Variants in SYT14 observed in about 807,000 individuals in gnomAD.
SYT14 encodes synaptotagmin-14.
In SYT14, 32 loss-of-function variants were observed where a neutral mutation model predicts 74.2. The ratio of observed to expected loss-of-function variants is 0.43; its 90% CI spans 0.33 to 0.58. The LOEUF is 0.58. Among genes scored for constraint, SYT14 ranks in the 20% least tolerant of loss-of-function variants. The pLI, the probability that SYT14 is intolerant of heterozygous loss-of-function variation, is 0.05. For synonymous variants in SYT14, 298 were observed against 337.7 expected, an observed-to-expected ratio of 0.88 and a Z score of 1.29; for missense variants, 791 against 981.8, an observed-to-expected ratio of 0.81 and a Z score of 2.60.
Position 210,144,457 on chromosome 1 carries a change from C to A in SYT14, c.2035-11264C>A, listed in dbSNP as rs1335427257. ...ACTAAAGTCACGGTCCTGTAACAGA[C>A]CCCCGTAAATCTGACTGCAAAGTTT... On this transcript the variant is annotated intron_variant, in intron 7 of 9. Coordinates refer to ENST00000637265, the Ensembl canonical transcript of SYT14. 2.6e-5 allele frequency among the ~76,000 whole-genome samples: 4 copies of A among 152,186 alleles called. 1 individual carries two copies. The highest frequency in any genetic ancestry group is 3.9e-4 in the East Asian group (2 of 5,194).
rs2079556751 is a variant in SYT14 at position 209,985,564 on chromosome 1, G to A, written c.-485-28069G>A. The stretch of plus-strand genomic sequence containing the variant: ...AGCTGCTGGTGGATCTGCCACTCTG[G>A]AGTCTGGAGAACAGCTGCCCTTTTT... On this transcript the variant is annotated intron_variant, in intron 2 of 9. Coordinates refer to ENST00000637265, the Ensembl canonical transcript of SYT14. Among the ~76,000 whole-genome samples, 2 of 152,224 alleles carry A rather than the reference G, an allele frequency of 1.3e-5. 1 individual carries two copies. The highest frequency in any genetic ancestry group is 4.1e-4 in the South Asian group (2 of 4,834).
At chr1:210,130,119 A>G (rs913159011) in intron 7 of SYT14, among the ~76,000 whole-genome samples, 2 of 152,192 alleles carry the variant, frequency 1.3e-5, no homozygotes, top group Non-Finnish European at 2.9e-5. Context: ...CTATTATAAA[A>G]CTGTTTTTTC....
intron 2 of SYT14, among the ~76,000 whole-genome samples, chr1:209,967,505 C>T (rs969975374): frequency 6.6e-6 from 1 of 152,026 alleles, no homozygotes; most frequent in African/African-American, 2.4e-5. Flanking sequence ...AATATATAGG[C>T]CTCTTCAGGT....
chr1:210,100,456 C>G (rs1381712377), exon 7 of SYT14: 3 of 1,612,420 alleles, frequency 1.9e-6, no homozygotes, highest in South Asian at 1.1e-5. Context: ...TTCTTACAAT[C>G]ATTCTGTGAG....
chr1:210,041,453 C>G (rs1039963701), intron 5 of SYT14, among the ~76,000 whole-genome samples: 8 of 151,956 alleles, frequency 5.3e-5, no homozygotes, highest in Non-Finnish European at 1.0e-4. Context: ...AGGTGAAGCC[C>G]TATAATTTAC....
chr1:209,967,568 A>G (rs2079175206), intron 2 of SYT14, among the ~76,000 whole-genome samples: 1 of 152,000 alleles, frequency 6.6e-6, no homozygotes, highest in African/African-American at 2.4e-5. Context: ...GAATTTGTTC[A>G]TTTCATCTAA....
At chr1:210,160,259 A>G (rs1363000873) in intron 9 of SYT14, among the ~76,000 whole-genome samples, 3 of 151,886 alleles carry the variant, frequency 2.0e-5, no homozygotes, top group African/African-American at 4.8e-5. Context: ...TCTCTTCACC[A>G]TTTGCCTTCA....
intron 7 of SYT14, among the ~76,000 whole-genome samples, chr1:210,150,403 T>TA (rs2083134490): frequency 6.6e-6 from 1 of 152,190 alleles, no homozygotes; most frequent in Admixed American, 6.5e-5. Context: ...ACGCTAGACT[T>TA]ACAGTGTGGA....
At chr1:210,027,958 A>G (rs1413111553) in intron 5 of SYT14, among the ~76,000 whole-genome samples, 2 of 152,206 alleles carry the variant, frequency 1.3e-5, no homozygotes, top group Non-Finnish European at 2.9e-5. Context: ...GTTCAATGTC[A>G]TTAAGTGTAT....
intron 2 of SYT14, among the ~76,000 whole-genome samples, chr1:209,982,900 T>C (rs1190671023): frequency 6.6e-6 from 1 of 152,228 alleles, no homozygotes; most frequent in African/African-American, 2.4e-5. Flanking sequence ...CTAATAGGTA[T>C]GTGGTGGTGT....
intron 7 of SYT14, among the ~76,000 whole-genome samples, chr1:210,153,231 T>C (rs2102705575): frequency 1.3e-5 from 2 of 152,342 alleles, no homozygotes; most frequent in Middle Eastern, 6.8e-3. Context: ...CCCAGTGCTT[T>C]GTCCTCACCA....
At chr1:210,079,443 G>A (rs1461123739) in intron 5 of SYT14, among the ~76,000 whole-genome samples, 1 of 152,116 alleles carries the variant, frequency 6.6e-6, no homozygotes. Flanking sequence ...TTTTTTGTCA[G>A]GTAGGGTTGT....
At chr1:210,116,905 T>A (rs1410012358) in intron 7 of SYT14, among the ~76,000 whole-genome samples, 2 of 152,338 alleles carry the variant, frequency 1.3e-5, no homozygotes, top group South Asian at 4.1e-4. Context: ...TAATATAATA[T>A]TATTTCTTGA....
At chr1:209,960,963 G>C (rs1251598909) in intron 2 of SYT14, among the ~76,000 whole-genome samples, 1 of 152,162 alleles carries the variant, frequency 6.6e-6, no homozygotes, top group Non-Finnish European at 1.5e-5. Context: ...ACTTGGTGCT[G>C]CTTTTCCAAA....
rs76570130 is a variant in SYT14 at position 210,016,769 on chromosome 1, C to T, written c.766C>T (p.His256Tyr). 1,952 of 1,231,748 alleles carry T rather than the reference C, an allele frequency of 1.6e-3. 67 individuals carry two copies. In the East Asian group the frequency reaches 0.054, roughly 34 times the overall value. 76.3% of individuals were successfully genotyped at this position (1,231,748 alleles called of 1,614,324 possible). A position where few individuals can be genotyped will look rare whatever the true frequency, so the allele number is the denominator to read the frequency against. ...ATGTAAACATCTTCCCGATTTAGGG[C>T]ATTCAGATCATTTAAAGAAAGCTGA... The change falls in exon 4 of 10, where the codon CAT (histidine) becomes TAT (tyrosine). Residue 256 changes from histidine to tyrosine, a missense_variant. By Grantham distance (83) the His-to-Tyr change is moderately conservative (BLOSUM62 2). Coordinates refer to ENST00000637265, the Ensembl canonical transcript of SYT14.
chr1:210,059,451 T>TATAGAGAGAGAGAGAG (rs377050610), intron 5 of SYT14, among the ~76,000 whole-genome samples: 39 of 69,900 alleles, frequency 5.6e-4, no homozygotes, highest in African/African-American at 2.0e-3. Context: ...TATATATATA[T>TATAGAGAGAGAGAGAG]AGAGAGAGAG....
intron 4 of SYT14, among the ~76,000 whole-genome samples, chr1:210,017,400 G>T (rs1167172178): frequency 2.0e-5 from 3 of 149,516 alleles, no homozygotes; most frequent in Non-Finnish European, 2.9e-5. Flanking sequence ...AAACTCCATG[G>T]TTTTCTTACC....
At chr1:210,100,447 T>C in exon 7 of SYT14, 1 of 1,613,062 alleles carries the variant, frequency 6.2e-7, no homozygotes, top group Non-Finnish European at 8.5e-7. Flanking sequence ...ATTGGAACCT[T>C]CTTACAATCA....
intron 2 of SYT14, among the ~76,000 whole-genome samples, chr1:209,978,121 G>C (rs185252071): frequency 2.1e-4 from 32 of 152,116 alleles, no homozygotes; most frequent in Non-Finnish European, 3.8e-4. Flanking sequence ...TTTTTTTCAA[G>C]GTTTTTAACT....
Sources: gnomAD v4.1 joint callset for allele counts (sites outside exome capture counted in the v4.1 genomes callset) on GRCh38, gnomAD v4.1.1 for gene constraint, MANE v1.5 for transcripts, NCBI Gene and HGNC (gene_info 2026-07-23, HGNC 2026-07-21) for gene names.